Variants in CALN1 observed in about 807,000 individuals in gnomAD.
The protein encoded by CALN1 is calcium-binding protein 8.
CALN1 carries 17 observed loss-of-function variants against 30.6 expected under a neutral mutation model. The observed-to-expected ratio is 0.56, with a 90% CI of 0.38 to 0.83. The LOEUF (loss-of-function observed/expected upper bound fraction) is 0.83, where lower values mean the gene tolerates loss of function less well. CALN1 is among the 40% of genes least tolerant of loss of function. The pLI, the probability that CALN1 is intolerant of heterozygous loss-of-function variation, is 0.00. For missense variants in CALN1, 291 were observed against 354.9 expected, an observed-to-expected ratio of 0.82 and a Z score of 1.45; for synonymous variants, 156 against 131.4, an observed-to-expected ratio of 1.19 and a Z score of -1.28.
intron 2 of CALN1, among the ~76,000 whole-genome samples, chr7:72,365,312 G>A (rs1264620953): frequency 6.6e-6 from 1 of 152,078 alleles, no homozygotes; most frequent in Non-Finnish European, 1.5e-5. Flanking sequence ...CAGCCTGGGT[G>A]ACAGAGCAAG....
At chr7:71,946,185 A>G (rs1467657677) in intron 5 of CALN1, among the ~76,000 whole-genome samples, 1 of 152,164 alleles carries the variant, frequency 6.6e-6, no homozygotes, top group Non-Finnish European at 1.5e-5. Context: ...TTAGCTGAAG[A>G]ACATAACAAG....
At chr7:71,820,466 A>G (rs562160204) in intron 5 of CALN1, among the ~76,000 whole-genome samples, 1 of 152,366 alleles carries the variant, frequency 6.6e-6, no homozygotes, top group African/African-American at 2.4e-5. Flanking sequence ...TTGGCTCAGA[A>G]TAAATATCTT....
intron 5 of CALN1, among the ~76,000 whole-genome samples, chr7:71,872,806 G>A (rs983673551): frequency 6.6e-6 from 1 of 151,500 alleles, no homozygotes; most frequent in Non-Finnish European, 1.5e-5. Context: ...TAGAGACAGG[G>A]TTTCACCATG....
intron 2 of CALN1, among the ~76,000 whole-genome samples, chr7:72,351,508 T>C (rs1274598123): frequency 3.3e-5 from 5 of 152,234 alleles, no homozygotes; most frequent in Non-Finnish European, 7.3e-5. Flanking sequence ...AATGCATTTA[T>C]GGGATTTATA....
intron 1 of CALN1, among the ~76,000 whole-genome samples, chr7:72,411,395 G>C (rs1222780112): frequency 2.0e-5 from 3 of 152,050 alleles, no homozygotes; most frequent in African/African-American, 7.2e-5. Context: ...TAGGAATCAA[G>C]ATTTTCTATG....
At chr7:72,279,957 C>G (rs907421483) in intron 2 of CALN1, among the ~76,000 whole-genome samples, 1 of 152,128 alleles carries the variant, frequency 6.6e-6, no homozygotes, top group African/African-American at 2.4e-5. Flanking sequence ...GGAAAGTGAA[C>G]TGGGCAGCAC....
intron 2 of CALN1, among the ~76,000 whole-genome samples, chr7:72,325,406 G>C (rs1433759054): frequency 2.0e-5 from 3 of 152,158 alleles, no homozygotes; most frequent in Admixed American, 6.5e-5. Context: ...TTCGAGACCA[G>C]CCTGGCCAAC....
chr7:72,317,234 G>C (rs1800548652), intron 2 of CALN1, among the ~76,000 whole-genome samples: 1 of 113,306 alleles, frequency 8.8e-6, no homozygotes, highest in Non-Finnish European at 1.7e-5. Context: ...AAAGAGAAGA[G>C]AAGGAAGGAA....
chr7:72,172,546 A>G (rs1789044008), intron 3 of CALN1, among the ~76,000 whole-genome samples: 2 of 152,248 alleles, frequency 1.3e-5, no homozygotes, highest in Non-Finnish European at 2.9e-5. Flanking sequence ...AGTATTAGCA[A>G]ATTAAACCAG....
chr7:72,145,342 C>A (rs894805044), intron 3 of CALN1, among the ~76,000 whole-genome samples: 2 of 152,164 alleles, frequency 1.3e-5, no homozygotes, highest in Non-Finnish European at 2.9e-5. Context: ...ACTATAAACA[C>A]CTCTACACAA....
At chr7:71,927,543 T>C (rs1016199955) in intron 5 of CALN1, among the ~76,000 whole-genome samples, 4 of 152,144 alleles carry the variant, frequency 2.6e-5, no homozygotes, top group Non-Finnish European at 4.4e-5. Context: ...GTTCTTTGGA[T>C]GGGGTATGTG....
intron 4 of CALN1, among the ~76,000 whole-genome samples, chr7:72,058,722 T>C (rs1206243167): frequency 2.0e-5 from 3 of 152,096 alleles, no homozygotes; most frequent in East Asian, 1.9e-4. Context: ...TGAACTGAAA[T>C]AGTGGAGAAG....
At chr7:72,422,761 C>T (rs552286822) in intron 1 of CALN1, among the ~76,000 whole-genome samples, 81 of 152,290 alleles carry the variant, frequency 5.3e-4, no homozygotes, top group Non-Finnish European at 7.9e-4. Flanking sequence ...ATCTTCTTGG[C>T]TTTATCTCTT....
intron 4 of CALN1, among the ~76,000 whole-genome samples, chr7:72,024,334 T>C (rs1308167884): frequency 6.6e-6 from 1 of 152,202 alleles, no homozygotes; most frequent in Non-Finnish European, 1.5e-5. Flanking sequence ...CGCAGTCTCT[T>C]CTATGCAGTT....
the CALN1 span, among the ~76,000 whole-genome samples, chr7:72,468,731 A>AT: frequency 1.3e-5 from 2 of 151,632 alleles, no homozygotes; most frequent in East Asian, 1.9e-4. Context: ...CAACACTTAA[A>AT]TTTTTTTTTA....
intron 3 of CALN1, among the ~76,000 whole-genome samples, chr7:72,211,559 C>T (rs150808212): frequency 7.9e-5 from 12 of 152,266 alleles, no homozygotes; most frequent in East Asian, 3.9e-4. Flanking sequence ...ATCCAAGAAA[C>T]GACTCGATAG....
At chr7:72,017,336 C>T (rs578010475) in intron 5 of CALN1, among the ~76,000 whole-genome samples, 2 of 152,032 alleles carry the variant, frequency 1.3e-5, no homozygotes, top group Admixed American at 6.6e-5. Context: ...GCTGCATATT[C>T]TCCCACCAGA....
chr7:71,840,485 TAAAAA>T (rs61579583), intron 5 of CALN1, among the ~76,000 whole-genome samples: 11 of 101,330 alleles, frequency 1.1e-4, no homozygotes, highest in East Asian at 3.2e-4. Flanking sequence ...ATGCTCTCTT[TAAAAA>T]AAAAAAAAAA....
At chr7:71,796,222 C>T (rs1786911464) in intron 6 of CALN1, among the ~76,000 whole-genome samples, 1 of 152,076 alleles carries the variant, frequency 6.6e-6, no homozygotes, top group African/African-American at 2.4e-5. Flanking sequence ...GTTCCTTCCA[C>T]CTTTTGGGTA....
Sources: gnomAD v4.1 joint callset for allele counts (sites outside exome capture counted in the v4.1 genomes callset) on GRCh38, gnomAD v4.1.1 for gene constraint, MANE v1.5 for transcripts, NCBI Gene and HGNC (gene_info 2026-07-23, HGNC 2026-07-21) for gene names.